The following FLRT1 variants were observed in gnomAD, a reference collection of about 807,000 sequenced individuals.
FLRT1 encodes the protein fibronectin leucine rich transmembrane protein 1, also known as leucine-rich repeat transmembrane protein FLRT1.
A neutral mutation model predicts 30.9 loss-of-function variants in FLRT1; 14 were observed. That is an observed-to-expected ratio of 0.45 (90% CI 0.30 to 0.71). The LOEUF is 0.71. Among genes scored for constraint, FLRT1 ranks in the 30% least tolerant of loss-of-function variants. The probability of loss-of-function intolerance (pLI) is 0.08; values close to 1 mark genes in which losing one functional copy is unlikely to be tolerated. For synonymous variants in FLRT1, 368 were observed against 430.4 expected (o/e 0.85, Z 1.80); for missense variants, 737 against 949.2 (o/e 0.78, Z 2.94).
At chr11:64,078,878 A>G (rs1944252612) in intron 1 of FLRT1, among the ~76,000 whole-genome samples, 1 of 152,224 alleles carries the variant, frequency 6.6e-6, no homozygotes, top group Non-Finnish European at 1.5e-5. Flanking sequence ...CAGAGGGGAC[A>G]GCGAGAACTC....
chr11:64,113,317 G>A (rs922108750), intron 2 of FLRT1, among the ~76,000 whole-genome samples: 1 of 152,236 alleles, frequency 6.6e-6, no homozygotes, highest in Non-Finnish European at 1.5e-5. Context: ...CTACAACAGG[G>A]CCTGGAATAT....
chr11:64,087,560 C>T (rs539869062), intron 1 of FLRT1, among the ~76,000 whole-genome samples: 5 of 152,340 alleles, frequency 3.3e-5, no homozygotes, highest in East Asian at 3.9e-4. Flanking sequence ...AAGAAATGGG[C>T]GCAGCTGGTA....
At chr11:64,071,458 G>A (rs1015572182) in intron 1 of FLRT1, among the ~76,000 whole-genome samples, 3 of 152,168 alleles carry the variant, frequency 2.0e-5, no homozygotes, top group African/African-American at 4.8e-5. Flanking sequence ...GCCAGGGCTG[G>A]GGCTGGGCTG....
At chr11:64,106,203 T>C (rs1363846088) in intron 2 of FLRT1, among the ~76,000 whole-genome samples, 1 of 152,086 alleles carries the variant, frequency 6.6e-6, no homozygotes, top group Admixed American at 6.5e-5. Context: ...AGGCCTGGGT[T>C]TGTGGCCACC....
At chr11:64,111,335 C>A (rs1165587102) in intron 2 of FLRT1, among the ~76,000 whole-genome samples, 1 of 152,202 alleles carries the variant, frequency 6.6e-6, no homozygotes, top group Non-Finnish European at 1.5e-5. Context: ...CGCTGGGGGC[C>A]CCCTGGCAGA....
chr11:64,089,630 G>T (rs1944455442), intron 1 of FLRT1, among the ~76,000 whole-genome samples: 1 of 152,222 alleles, frequency 6.6e-6, no homozygotes, highest in Non-Finnish European at 1.5e-5. Flanking sequence ...GAACTCCCCA[G>T]TCCCAGCCTG....
chr11:64,061,349 C>A (rs1299737708), intron 1 of FLRT1, among the ~76,000 whole-genome samples: 1 of 152,212 alleles, frequency 6.6e-6, no homozygotes, highest in Admixed American at 6.5e-5. Context: ...CAGCCCGCAG[C>A]CTGGAGGTGA....
chr11:64,060,503 G>A (rs1943878894), intron 1 of FLRT1: 1 of 152,202 alleles, frequency 6.6e-6, no homozygotes, highest in Admixed American at 6.5e-5. Context: ...GATGCCTGGC[G>A]GCTCCGAGGT....
intron 1 of FLRT1, among the ~76,000 whole-genome samples, chr11:64,080,426 G>A (rs1165339953): frequency 2.0e-5 from 3 of 152,122 alleles, no homozygotes; most frequent in Non-Finnish European, 4.4e-5. Flanking sequence ...TTTTTTGTGT[G>A]TATTTACAAG....
chr11:64,085,890 G>A (rs1197635560), intron 1 of FLRT1, among the ~76,000 whole-genome samples: 2 of 152,170 alleles, frequency 1.3e-5, no homozygotes, highest in Non-Finnish European at 2.9e-5. Flanking sequence ...GAGGAAAGGG[G>A]GCCCTTCTCA....
chr11:64,116,465 C>T lies in FLRT1; in HGVS notation c.198C>T (p.Tyr66=), dbSNP rs754789004. The part of the protein sequence containing the change: ...SVCRCDNGFI[Y]CNDRGLTSIP... ...GCCGCTGCGACAACGGCTTCATCTACTGCAACGACCGGGGACTCACATCCA... is the reference window on the plus strand; with the variant it reads ...GCCGCTGCGACAACGGCTTCATCTATTGCAACGACCGGGGACTCACATCCA... Residue 66 remains tyrosine (Y), a synonymous_variant, in exon 3 of 3, where the codon TAC becomes TAT. Transcript: ENST00000682287. The T allele has an allele frequency of 1.2e-6, 2 of 1,614,124 alleles. No individual in the cohort carries two copies. The highest frequency in any genetic ancestry group is 4.5e-5 in the East Asian group (2 of 44,878).
chr11:64,094,871 G>C (rs373960378), intron 1 of FLRT1, among the ~76,000 whole-genome samples: 2 of 152,356 alleles, frequency 1.3e-5, no homozygotes, highest in Middle Eastern at 3.4e-3. Context: ...GGGGGGCCCA[G>C]GAGTGGATTT....
At chr11:64,081,531 C>T (rs1168833919) in intron 1 of FLRT1, among the ~76,000 whole-genome samples, 1 of 152,148 alleles carries the variant, frequency 6.6e-6, no homozygotes, top group South Asian at 2.1e-4. Context: ...GTGTAACACC[C>T]CCCCGACCCC....
intron 1 of FLRT1, among the ~76,000 whole-genome samples, chr11:64,070,768 C>T (rs549273268): frequency 2.4e-4 from 36 of 152,284 alleles, no homozygotes; most frequent in African/African-American, 8.7e-4. Context: ...TTTATTTGTT[C>T]GTGGAATGAA....
rs1195427994 is a variant in FLRT1 at position 64,051,310 on chromosome 11, AC to A, written c.-1038+15153del. Among the ~76,000 whole-genome samples, 26 of 152,258 alleles carry A rather than the reference AC, an allele frequency of 1.7e-4. 1 individual carries two copies. The South Asian group carries it at 5.2e-3, about 30-fold the overall frequency. Reference sequence around the variant, plus strand: ...TCTTTTGAAGTAGCTCTGGGCAGACACCTGCCTTGACGGCCCTCTGGGTGCT... The same window carrying A: ...TCTTTTGAAGTAGCTCTGGGCAGACACTGCCTTGACGGCCCTCTGGGTGCT... On this transcript the variant is annotated intron_variant, in intron 1 of 2. Coordinates refer to ENST00000682287, the MANE Select transcript of FLRT1 (RefSeq NM_013280.5).
chr11:64,089,567 C>T (rs1944454074), intron 1 of FLRT1, among the ~76,000 whole-genome samples: 1 of 152,228 alleles, frequency 6.6e-6, no homozygotes, highest in South Asian at 2.1e-4. Context: ...GGGTCGGCAG[C>T]CACGGACCAG....
intron 2 of FLRT1, among the ~76,000 whole-genome samples, 168 bp from the exon 3 acceptor site, chr11:64,116,051 G>A (rs540237762): frequency 1.1e-4 from 17 of 152,296 alleles, no homozygotes; most frequent in Middle Eastern, 3.4e-3. Flanking sequence ...AATCACCTGC[G>A]GCATAAACCT....
intron 1 of FLRT1, among the ~76,000 whole-genome samples, chr11:64,069,569 G>A (rs1216496226): frequency 2.0e-5 from 3 of 152,294 alleles, no homozygotes; most frequent in Non-Finnish European, 2.9e-5. Flanking sequence ...CCCGTGTGGT[G>A]CCCCTAGCTG....
chr11:64,062,443 G>A (rs1445494777), intron 1 of FLRT1, among the ~76,000 whole-genome samples: 1 of 152,274 alleles, frequency 6.6e-6, no homozygotes, highest in East Asian at 1.9e-4. Context: ...GGGCATAGGC[G>A]GAAGGCTCGC....
Sources: allele counts gnomAD v4.1 joint callset (sites outside exome capture counted in the v4.1 genomes callset), GRCh38; gene constraint gnomAD v4.1.1; transcripts MANE v1.5; gene names NCBI Gene and HGNC (gene_info 2026-07-23, HGNC 2026-07-21).